The following KIF1A variants were observed in gnomAD, a reference collection of about 807,000 sequenced individuals.
The protein encoded by KIF1A is kinesin family member 1A.
In KIF1A, 46 loss-of-function variants were observed where a neutral mutation model predicts 227.3. The ratio of observed to expected loss-of-function variants is 0.20; its 90% CI spans 0.16 to 0.26. The LOEUF (loss-of-function observed/expected upper bound fraction) is 0.26. Ranked by LOEUF, KIF1A falls within the 10% of genes least tolerant of loss-of-function variation. The pLI is 1.00. For synonymous variants in KIF1A, 1,022 were observed against 1,012.8 expected (o/e 1.01, Z -0.17); for missense variants, 1,683 against 2,485.9 (o/e 0.68, Z 6.87).
At chr2:240,767,899 T>C (rs909689444) in intron 17 of KIF1A, among the ~76,000 whole-genome samples, 3 of 152,178 alleles carry the variant, frequency 2.0e-5, no homozygotes, top group African/African-American at 4.8e-5. Flanking sequence ...GAAGCAGTTG[T>C]GAAGGGATCC....
chr2:240,755,344 T>C (rs1575578638), intron 27 of KIF1A, among the ~76,000 whole-genome samples: 1 of 151,920 alleles, frequency 6.6e-6, no homozygotes, highest in African/African-American at 2.4e-5. Flanking sequence ...GAGGGCTGAG[T>C]GTGGCGGGAG....
chr2:240,731,235 AG>A (rs1041474677), intron 38 of KIF1A, among the ~76,000 whole-genome samples: 5 of 148,678 alleles, frequency 3.4e-5, no homozygotes, highest in African/African-American at 1.3e-4. Context: ...ACTTAGACAT[AG>A]GGGCTAGGAT....
Position 240,778,633 on chromosome 2 carries a change from C to G in KIF1A, c.883-2707G>C, listed in dbSNP as rs1029917603. On this transcript the variant is annotated intron_variant, in intron 10 of 48. Transcript: ENST00000498729. This position sits in a 1 kb window ranked among gnomAD's most constrained non-coding sequence, Gnocchi z 7.2. ...GCCCCCGTCCCCACACAGCTCCCCACCCCCTTCCACACACTTCCTCCCGGT... is the reference window on the plus strand; with the variant it reads ...GCCCCCGTCCCCACACAGCTCCCCAGCCCCTTCCACACACTTCCTCCCGGT... 6.6e-6 allele frequency among the ~76,000 whole-genome samples: 1 copy of G among 151,644 alleles called. No individual in the cohort carries two copies. Among genetic ancestry groups the G allele is most frequent in the African/African-American group, 2.4e-5 (1 of 41,200 alleles).
At chr2:240,719,638 G>A (rs753375164) in intron 46 of KIF1A, 136 bp downstream of exon 46, 51 of 1,045,794 alleles carry the variant, frequency 4.9e-5, no homozygotes, top group Non-Finnish European at 6.6e-5. Flanking sequence ...TGAACCTCCA[G>A]TATGGGCATC....
chr2:240,798,301 T>C (rs2056626470), intron 1 of KIF1A, among the ~76,000 whole-genome samples: 1 of 152,250 alleles, frequency 6.6e-6, no homozygotes, highest in African/African-American at 2.4e-5. Context: ...AGCAGTAGTG[T>C]GGTCTCTGAA....
intron 1 of KIF1A, among the ~76,000 whole-genome samples, chr2:240,802,089 T>A (rs2057020051): frequency 8.7e-6 from 1 of 114,874 alleles, no homozygotes. Flanking sequence ...AAGCTTAAAG[T>A]CAGCCAGAAA....
At chr2:240,748,359 G>A (rs776347966) in intron 28 of KIF1A, among the ~76,000 whole-genome samples, 1 of 152,214 alleles carries the variant, frequency 6.6e-6, no homozygotes, top group Non-Finnish European at 1.5e-5. Flanking sequence ...ACCTCCATGT[G>A]GACCCCAGAG....
chr2:240,798,468 A>G (rs1575655725), intron 1 of KIF1A, among the ~76,000 whole-genome samples: 1 of 152,352 alleles, frequency 6.6e-6, no homozygotes, highest in East Asian at 1.9e-4. Flanking sequence ...GAAGCAGGAG[A>G]CAAGTCATGG....
intron 10 of KIF1A, among the ~76,000 whole-genome samples, chr2:240,776,879 G>C (rs970515821): frequency 2.0e-5 from 3 of 152,230 alleles, no homozygotes; most frequent in African/African-American, 7.2e-5. Flanking sequence ...GAAAGCTCTT[G>C]AGACTCCCAG....
intron 18 of KIF1A, 79 bp from the exon 19 acceptor site, chr2:240,767,100 C>G: frequency 2.4e-6 from 3 of 1,251,934 alleles, no homozygotes; most frequent in Non-Finnish European, 3.4e-6. Context: ...TCCAGGGACG[C>G]CCAACCAGGA....
chr2:240,781,354 T>C (rs1309840684), intron 10 of KIF1A, among the ~76,000 whole-genome samples: 1 of 2,412 alleles, frequency 4.1e-4, no homozygotes, highest in Non-Finnish European at 7.1e-4. Flanking sequence ...CACACACAGC[T>C]CCACACACAC....
At position 240,793,338 on chromosome 2, in the gene KIF1A, C is replaced by T. The variant is rs1227183351; in HGVS notation, c.107-4026G>A. Among the ~76,000 whole-genome samples, 1 of 152,208 alleles carries T rather than the reference C, an allele frequency of 6.6e-6. No individual in the cohort carries two copies. Among genetic ancestry groups the T allele is most frequent in the Non-Finnish European group, 1.5e-5 (1 of 68,028 alleles). On this transcript the variant is annotated intron_variant, in intron 2 of 48. Transcript: ENST00000498729. The surrounding 1 kb of genome is among the most constrained non-coding windows in gnomAD (Gnocchi z 4.8). The stretch of plus-strand genomic sequence containing the variant: ...CCCAGCACCACCCCTCACTACTGCA[C>T]AGGTGGGGAAACTGAGGCCCAAAGG...
At position 240,771,363 on chromosome 2, in the gene KIF1A, G is replaced by A. The variant is rs552253140; in HGVS notation, c.1208-259C>T. ...GGCCTTCCTGCCACCCCTTGCCTACGATGGGACGGGGCCAGCAGTGGCGCG... is the reference window on the plus strand; with the variant it reads ...GGCCTTCCTGCCACCCCTTGCCTACAATGGGACGGGGCCAGCAGTGGCGCG... On this transcript the variant is annotated intron_variant, in intron 14 of 48. Transcript: ENST00000498729. 353 of 552,962 alleles carry A rather than the reference G, an allele frequency of 6.4e-4. 1 individual carries two copies. Among genetic ancestry groups the A allele is most frequent in the Non-Finnish European group, 1.0e-3 (321 of 308,476 alleles). 34.3% of individuals were successfully genotyped at this position (552,962 alleles called of 1,614,324 possible). A position where few individuals can be genotyped will look rare whatever the true frequency, so the allele number is the denominator to read the frequency against.
At chr2:240,722,091 C>A (rs573661546) in intron 43 of KIF1A, among the ~76,000 whole-genome samples, 1 of 152,168 alleles carries the variant, frequency 6.6e-6, no homozygotes, top group Non-Finnish European at 1.5e-5. Context: ...CGGCTGAGGG[C>A]CTGGTGTGAG....
In KIF1A at chr2:240,719,144, G is replaced by C. The variant is rs2044944281; in HGVS notation, c.5076C>G (p.Gly1692=). The C allele has an allele frequency of 6.2e-7, 1 of 1,612,280 alleles. No homozygotes were observed. The highest frequency in any genetic ancestry group is 1.1e-5 in the South Asian group (1 of 91,026). ...GCACCACCACGAAGCGCCTGGCCCA[G>C]CCTGACGTGTGCGGCTCCAGGAAGT... The part of the protein sequence containing the change: ...YLHFLEPHTS[G]WARRFVVVRR... Residue 1692 remains glycine (G), a synonymous_variant, in exon 47 of 49, where the codon GGC becomes GGG. Coordinates refer to ENST00000498729, the MANE Select transcript of KIF1A (RefSeq NM_001244008.2).
chr2:240,787,376 C>T, intron 4 of KIF1A, 60 bp from the exon 5 acceptor site: 1 of 1,469,960 alleles, frequency 6.8e-7, no homozygotes, highest in Admixed American at 1.7e-5. Context: ...GGATCCCTGC[C>T]CCTTGCGATA....
At chr2:240,759,326 C>A (rs2050232049) in intron 25 of KIF1A, among the ~76,000 whole-genome samples, 1 of 152,116 alleles carries the variant, frequency 6.6e-6, no homozygotes, top group African/African-American at 2.4e-5. Flanking sequence ...ATCACCCCTG[C>A]CTTTCCTACA....
At chr2:240,808,882 C>G (rs2057647652) in intron 1 of KIF1A, among the ~76,000 whole-genome samples, 1 of 152,058 alleles carries the variant, frequency 6.6e-6, no homozygotes. Context: ...AGGCGCCCAC[C>G]ACCACGCCCG....
At position 240,766,749 on chromosome 2, in the gene KIF1A, T is replaced by TCTCTCTCTCA. The variant is rs1454271542; in HGVS notation, c.1684+165_1684+166insTGAGAGAGAG. ...CTCTCTCTCTCTCTCTCTCTCTCTCTCACACACACACACACACACACACAC... is the reference window on the plus strand; with the variant it reads ...CTCTCTCTCTCTCTCTCTCTCTCTCTCTCTCTCTCACACACACACACACACACACACACAC... On this transcript the variant is annotated intron_variant, in intron 19 of 48. Transcript: ENST00000498729. The surrounding 1 kb of genome is among the most constrained non-coding windows in gnomAD (Gnocchi z 5.0). Among the ~76,000 whole-genome samples, 26 of 109,022 alleles carry TCTCTCTCTCA rather than the reference T, an allele frequency of 2.4e-4. No homozygotes were observed. Among genetic ancestry groups the TCTCTCTCTCA allele is most frequent in the African/African-American group, 8.3e-4 (20 of 24,164 alleles). 71.5% of individuals were successfully genotyped at this position (109,022 alleles called of 152,430 possible). A position where few individuals can be genotyped will look rare whatever the true frequency, so the allele number is the denominator to read the frequency against.
Sources: allele counts gnomAD v4.1 joint callset (sites outside exome capture counted in the v4.1 genomes callset), GRCh38; gene constraint gnomAD v4.1.1; non-coding constraint Gnocchi (gnomAD v3.1); transcripts MANE v1.5; gene names NCBI Gene and HGNC (gene_info 2026-07-23, HGNC 2026-07-21).